Variants in CTNNA3 observed in about 807,000 individuals in gnomAD.
CTNNA3 encodes the protein catenin alpha-3.
In CTNNA3, 76 loss-of-function variants were observed where a neutral mutation model predicts 95.7. That is an observed-to-expected ratio of 0.79 (90% CI 0.66 to 0.96). The LOEUF is 0.96. Ranked by LOEUF, CTNNA3 falls within the 40% of genes least tolerant of loss-of-function variation. The probability of loss-of-function intolerance (pLI) is 0.00; values close to 1 mark genes in which losing one functional copy is unlikely to be tolerated. For missense variants in CTNNA3, 1,191 were observed against 1,089.8 expected, an observed-to-expected ratio of 1.09 and a Z score of -1.31; for synonymous variants, 431 against 374.4, an observed-to-expected ratio of 1.15 and a Z score of -1.74.
intron 7 of CTNNA3, chr10:66,928,073 G>C: frequency 6.2e-7 from 1 of 1,614,056 alleles, no homozygotes; most frequent in Non-Finnish European, 8.5e-7. Context: ...AAGCTCCCCA[G>C]GCCGAAGCAT....
At chr10:66,951,970 A>G (rs1848560896) in intron 7 of CTNNA3, among the ~76,000 whole-genome samples, 1 of 152,202 alleles carries the variant, frequency 6.6e-6, no homozygotes, top group East Asian at 1.9e-4. Context: ...TAAACAGAGC[A>G]CTTTTCAGAG....
At chr10:66,002,323 A>G (rs1158987281) in intron 15 of CTNNA3, among the ~76,000 whole-genome samples, 1 of 152,148 alleles carries the variant, frequency 6.6e-6, no homozygotes, top group African/African-American at 2.4e-5. Flanking sequence ...AGGACCCTAT[A>G]AAAGTCCTTG....
At chr10:67,738,717 C>A (rs1202754655) in intron 1 of CTNNA3, among the ~76,000 whole-genome samples, 1 of 151,634 alleles carries the variant, frequency 6.6e-6, no homozygotes, top group African/African-American at 2.4e-5. Flanking sequence ...GAATGGCTAA[C>A]TAGAATGACC....
intron 6 of CTNNA3, among the ~76,000 whole-genome samples, chr10:67,188,005 G>A (rs1862938639): frequency 6.6e-6 from 1 of 152,142 alleles, no homozygotes; most frequent in Non-Finnish European, 1.5e-5. Context: ...ACTGTGCTAG[G>A]AATTGGTAAT....
At chr10:66,959,607 T>C (rs1242684101) in intron 7 of CTNNA3, among the ~76,000 whole-genome samples, 1 of 152,158 alleles carries the variant, frequency 6.6e-6, no homozygotes, top group Non-Finnish European at 1.5e-5. Context: ...AGTAGATGAT[T>C]TCTACAACTA....
chr10:66,258,938 A>G (rs1416418027), intron 13 of CTNNA3, among the ~76,000 whole-genome samples: 2 of 152,312 alleles, frequency 1.3e-5, no homozygotes, highest in Non-Finnish European at 2.9e-5. Context: ...AAAAATTTTC[A>G]AACAAGCCAC....
chr10:66,981,326 T>G (rs1850428397), intron 7 of CTNNA3, among the ~76,000 whole-genome samples: 1 of 152,240 alleles, frequency 6.6e-6, no homozygotes. Flanking sequence ...CTCTAAATAT[T>G]GTTCTGATTA....
chr10:66,277,294 C>G (rs892045897), intron 13 of CTNNA3, among the ~76,000 whole-genome samples: 1 of 152,012 alleles, frequency 6.6e-6, no homozygotes, highest in Non-Finnish European at 1.5e-5. Flanking sequence ...GAAGAGTATT[C>G]ATAAAAATTT....
intron 7 of CTNNA3, among the ~76,000 whole-genome samples, chr10:66,780,620 A>G (rs568352672): frequency 6.6e-6 from 1 of 152,190 alleles, no homozygotes; most frequent in African/African-American, 2.4e-5. Context: ...TCATTTCATT[A>G]GTATTTGTCC....
At chr10:66,794,948 T>C (rs1841130292) in intron 7 of CTNNA3, among the ~76,000 whole-genome samples, 9 of 152,156 alleles carry the variant, frequency 5.9e-5, no homozygotes, top group Admixed American at 5.2e-4. Context: ...CCTAAGATTG[T>C]TATAATTCAG....
At chr10:66,105,402 T>C (rs1390633779) in intron 13 of CTNNA3, among the ~76,000 whole-genome samples, 1 of 152,210 alleles carries the variant, frequency 6.6e-6, no homozygotes, top group Non-Finnish European at 1.5e-5. Flanking sequence ...CAAATTCTCT[T>C]TCTTGTGCCC....
Position 66,102,750 on chromosome 10 carries a change from CAGG to C in CTNNA3, c.1977+404_1977+406del, listed in dbSNP as rs2081695004. Reference sequence around the variant, plus strand: ...GTGTGTGTGTGTTTGGGGGCAGGCACAGGAGAAGTTATTGTAGAGAAAGAAAAG... The same window carrying C: ...GTGTGTGTGTGTTTGGGGGCAGGCACAGAAGTTATTGTAGAGAAAGAAAAG... On this transcript the variant is annotated intron_variant, in intron 14 of 17. Transcript: ENST00000433211. Among the ~76,000 whole-genome samples, 4 of 151,850 alleles carry C rather than the reference CAGG, an allele frequency of 2.6e-5. No homozygotes were observed. The South Asian group carries it at 8.3e-4, about 32-fold the overall frequency.
chr10:66,877,686 T>A (rs941919511), intron 7 of CTNNA3, among the ~76,000 whole-genome samples: 2 of 152,278 alleles, frequency 1.3e-5, no homozygotes, highest in Non-Finnish European at 2.9e-5. Context: ...TCTCAATTAC[T>A]GACTTTTGAA....
At chr10:65,944,714 A>G (rs190790839) in intron 17 of CTNNA3, among the ~76,000 whole-genome samples, 1 of 152,332 alleles carries the variant, frequency 6.6e-6, no homozygotes, top group African/African-American at 2.4e-5. Context: ...ATATTGACTC[A>G]GCAAGAGCTC....
At chr10:67,131,345 A>G (rs1859992331) in intron 7 of CTNNA3, among the ~76,000 whole-genome samples, 1 of 152,136 alleles carries the variant, frequency 6.6e-6, no homozygotes, top group Admixed American at 6.6e-5. Context: ...ATAATAGCAT[A>G]TACTCCATAG....
chr10:67,098,205 A>C (rs1858130996), intron 7 of CTNNA3: 1 of 158,098 alleles, frequency 6.3e-6, no homozygotes, highest in South Asian at 1.9e-4. Context: ...TCAGTTTCTA[A>C]AATTTTAAAT....
rs564452539 is a variant in CTNNA3, at chr10:66,150,724, C to T, written c.1885-47475G>A. On this transcript the variant is annotated intron_variant, in intron 13 of 17. Coordinates refer to ENST00000433211, the MANE Select transcript of CTNNA3 (RefSeq NM_013266.4). ...TACCCTATAATGCTATTGAACACTA[C>T]TTATTCCTCAGGTAAAACTACTTAT... is the stretch of plus-strand genomic sequence containing the variant. 1.1e-4 allele frequency among the ~76,000 whole-genome samples: 16 copies of T among 152,062 alleles called. No individual in the cohort carries two copies. The South Asian group carries it at 3.3e-3, about 32-fold the overall frequency.
intron 1 of CTNNA3, 86 bp from the exon 2 acceptor site, chr10:67,647,604 A>G: frequency 9.6e-7 from 1 of 1,040,960 alleles, no homozygotes; most frequent in Non-Finnish European, 1.4e-6. Flanking sequence ...AATAGGTAAA[A>G]CTTGTATTCA....
intron 11 of CTNNA3, among the ~76,000 whole-genome samples, chr10:66,476,417 C>T (rs1490520869): frequency 1.3e-5 from 2 of 151,982 alleles, no homozygotes; most frequent in Non-Finnish European, 2.9e-5. Flanking sequence ...CAACAGATTT[C>T]AATAGTATAT....
Sources: gnomAD v4.1 joint callset for allele counts (sites outside exome capture counted in the v4.1 genomes callset) on GRCh38, gnomAD v4.1.1 for gene constraint, MANE v1.5 for transcripts, NCBI Gene and HGNC (gene_info 2026-07-23, HGNC 2026-07-21) for gene names.